Variants in BAZ2B observed in about 807,000 individuals in gnomAD.
BAZ2B encodes the protein bromodomain adjacent to zinc finger domain protein 2B.
Under a neutral mutation model 246.0 loss-of-function variants are expected in BAZ2B, and 91 were observed. The ratio of observed to expected loss-of-function variants is 0.37; its 90% CI spans 0.31 to 0.44. The LOEUF (loss-of-function observed/expected upper bound fraction) is 0.44, where lower values mean the gene tolerates loss of function less well. Ranked by LOEUF, BAZ2B falls within the 20% of genes least tolerant of loss-of-function variation. The pLI is 1.00. For missense variants in BAZ2B, 2,332 were observed against 2,533.7 expected (o/e 0.92, Z 1.71); for synonymous variants, 855 against 860.0 (o/e 0.99, Z 0.10).
intron 1 of BAZ2B, among the ~76,000 whole-genome samples, chr2:159,566,853 G>C (rs922516789): frequency 6.6e-6 from 1 of 152,006 alleles, no homozygotes; most frequent in African/African-American, 2.4e-5. Flanking sequence ...AGATGTGAGA[G>C]GTTATATACT....
At chr2:159,488,226 T>A (rs1486961412) in intron 2 of BAZ2B, among the ~76,000 whole-genome samples, 4 of 152,004 alleles carry the variant, frequency 2.6e-5, no homozygotes, top group African/African-American at 9.7e-5. Flanking sequence ...GTGCCTGCCA[T>A]CACTCCTGGC....
At chr2:159,406,241 C>T (rs954335301) in intron 14 of BAZ2B, among the ~76,000 whole-genome samples, 9 of 152,290 alleles carry the variant, frequency 5.9e-5, no homozygotes, top group Non-Finnish European at 1.0e-4. Flanking sequence ...TGTATTCTTT[C>T]GGCTTTTGTT....
chr2:159,522,496 A>C (rs1204669908), intron 2 of BAZ2B, among the ~76,000 whole-genome samples: 2 of 152,216 alleles, frequency 1.3e-5, no homozygotes, highest in South Asian at 2.1e-4. Flanking sequence ...CAGAAGATTA[A>C]GTTTCCTGTT....
rs2062682926 is a variant in BAZ2B at position 159,386,596 on chromosome 2, C to T, written c.3228G>A (p.Glu1076=). 1 of 1,601,314 alleles carries T rather than the reference C, an allele frequency of 6.2e-7. No homozygotes were observed. Among genetic ancestry groups the T allele is most frequent in the Admixed American group, 1.8e-5 (1 of 57,106 alleles). Residue 1076 remains glutamate (E), a synonymous_variant, in exon 22 of 37, where the codon GAG becomes GAA. Transcript: ENST00000392783. ...MCLADQKPLP[E]LPRIPGLVLS... ...GAACAAGTCCTGGAATACGAGGCAA[C>T]TCTGGCAAAGGCTGAAAATAAAATG...
At chr2:159,580,876 G>A (rs1316701325) in intron 1 of BAZ2B, among the ~76,000 whole-genome samples, 1 of 152,154 alleles carries the variant, frequency 6.6e-6, no homozygotes, top group Non-Finnish European at 1.5e-5. Context: ...GTAGAAAGCT[G>A]AAACTGGATC....
intron 2 of BAZ2B, among the ~76,000 whole-genome samples, chr2:159,545,912 T>A (rs2087270413): frequency 6.6e-6 from 1 of 152,178 alleles, no homozygotes; most frequent in South Asian, 2.1e-4. Context: ...AAAATACAAC[T>A]ACGGATAAGG....
At position 159,395,841 on chromosome 2, in the gene BAZ2B, G is replaced by A. The variant is rs751059013; in HGVS notation, c.3010-7C>T. 13 of 1,600,308 alleles carry A rather than the reference G, an allele frequency of 8.1e-6. No homozygotes were observed. The highest frequency in any genetic ancestry group is 1.1e-5 in the Non-Finnish European group (13 of 1,174,216). ...GTCGCCTTCGCTCTCGTTCCTATTA[G>A]GCCAGATAAAATGTGGAAAATAACT... On this transcript the variant is annotated splice_polypyrimidine_tract_variant and splice_region_variant and intron_variant, in intron 19 of 36. Coordinates refer to ENST00000392783, the MANE Select transcript of BAZ2B (RefSeq NM_013450.4).
At chr2:159,399,864 T>C (rs2064695607) in intron 17 of BAZ2B, among the ~76,000 whole-genome samples, 1 of 152,202 alleles carries the variant, frequency 6.6e-6, no homozygotes, top group Non-Finnish European at 1.5e-5. Context: ...TTTTGAGACA[T>C]GCCTGCTTAG....
intron 5 of BAZ2B, among the ~76,000 whole-genome samples, chr2:159,447,987 T>C (rs767124894): frequency 6.6e-6 from 1 of 151,878 alleles, no homozygotes; most frequent in Non-Finnish European, 1.5e-5. Flanking sequence ...AACACGTAGC[T>C]GGGCATAGTG....
At chr2:159,510,949 C>T (rs1441460881) in intron 2 of BAZ2B, among the ~76,000 whole-genome samples, 1 of 152,114 alleles carries the variant, frequency 6.6e-6, no homozygotes, top group African/African-American at 2.4e-5. Flanking sequence ...TATTTGATTA[C>T]ACTTTGCTTA....
Position 159,336,986 on chromosome 2 carries a change from G to T in BAZ2B, c.5752C>A (p.Gln1918Lys). 1 of 1,610,482 alleles carries T rather than the reference G, an allele frequency of 6.2e-7. No individual in the cohort carries two copies. The highest frequency in any genetic ancestry group is 1.1e-5 in the South Asian group (1 of 90,712). Residue 1918 changes from glutamine to lysine, a missense_variant, in exon 33 of 37, where the codon CAA becomes AAA. By Grantham distance (53) the Gln-to-Lys change is moderately conservative (BLOSUM62 1). Around this residue, in one of 9 missense-constraint regions of BAZ2B, gnomAD observed 53 missense variants for 62.0 expected, o/e 0.86. Transcript: ENST00000392783. ...TCCCATGCTATTGATTTCTGTAATT[G>T]CTGAATGCACAGAGCTACCTGTGCA... The part of the protein sequence containing the change: ...SAAQVALCIQ[Q>K]LQKSIAWEKS...
At chr2:159,702,639 T>C in the BAZ2B span, among the ~76,000 whole-genome samples, 1 of 149,876 alleles carries the variant, frequency 6.7e-6, no homozygotes, top group Non-Finnish European at 1.5e-5. Context: ...CATATCATTA[T>C]GTTTATAAAA....
At chr2:159,568,556 TAA>T (rs35757082) in intron 1 of BAZ2B, among the ~76,000 whole-genome samples, 9,756 of 149,712 alleles carry the variant, frequency 0.065, 988 homozygotes, top group African/African-American at 0.22. Context: ...ACTGAAAAGT[TAA>T]AAAAAAAAAA....
intron 2 of BAZ2B, among the ~76,000 whole-genome samples, chr2:159,535,845 T>C (rs6712297): frequency 0.021 from 3,147 of 152,306 alleles, 97 homozygotes; most frequent in African/African-American, 0.067. Context: ...AGCTACCAGG[T>C]CACTTCTGCA....
At chr2:159,421,575 T>G (rs183929809) in intron 13 of BAZ2B, among the ~76,000 whole-genome samples, 1 of 152,226 alleles carries the variant, frequency 6.6e-6, no homozygotes, top group Non-Finnish European at 1.5e-5. Flanking sequence ...AATGATAAAT[T>G]TATCTAAATT....
At chr2:159,708,037 G>A in the BAZ2B span, among the ~76,000 whole-genome samples, 9 of 152,038 alleles carry the variant, frequency 5.9e-5, no homozygotes, top group Admixed American at 5.2e-4. Context: ...TTAACTGGAT[G>A]TGGTAGCTGA....
chr2:159,385,077 T>C, intron 23 of BAZ2B, 78 bp downstream of exon 23: 1 of 1,436,790 alleles, frequency 7.0e-7, no homozygotes, highest in Non-Finnish European at 9.7e-7. Context: ...TCCAATTTTC[T>C]ATAATCAATT....
At chr2:159,695,808 G>A in the BAZ2B span, among the ~76,000 whole-genome samples, 7 of 151,996 alleles carry the variant, frequency 4.6e-5, no homozygotes, top group Non-Finnish European at 7.4e-5. Flanking sequence ...AGGCTGGAGT[G>A]CAGTGGCGTG....
At chr2:159,666,376 C>T in the BAZ2B span, among the ~76,000 whole-genome samples, 9 of 151,418 alleles carry the variant, frequency 5.9e-5, no homozygotes, top group African/African-American at 2.2e-4. Context: ...CTTCCAACCT[C>T]AGCCTTCCAA....
Sources: allele counts gnomAD v4.1 joint callset (sites outside exome capture counted in the v4.1 genomes callset), GRCh38; gene constraint gnomAD v4.1.1; regional missense constraint gnomAD v4.1.1; transcripts MANE v1.5; gene names NCBI Gene and HGNC (gene_info 2026-07-23, HGNC 2026-07-21).